The following SGSM1 variants were observed in gnomAD, a reference collection of about 807,000 sequenced individuals.
The protein encoded by SGSM1 is RUN and TBC1 domain containing 2.
SGSM1 carries 73 observed loss-of-function variants against 133.8 expected under a neutral mutation model. The observed-to-expected ratio is 0.55, with a 90% CI of 0.45 to 0.66. The LOEUF is 0.66. Among genes scored for constraint, SGSM1 ranks in the 30% least tolerant of loss-of-function variants. The pLI, the probability that SGSM1 is intolerant of heterozygous loss-of-function variation, is 0.00. For missense variants in SGSM1, 1,213 were observed against 1,448.1 expected (o/e 0.84, Z 2.64); for synonymous variants, 563 against 573.0 (o/e 0.98, Z 0.25).
intron 12 of SGSM1, among the ~76,000 whole-genome samples, chr22:24,873,474 A>G (rs1931867244): frequency 6.6e-6 from 1 of 152,086 alleles, no homozygotes; most frequent in Non-Finnish European, 1.5e-5. Flanking sequence ...AAACATCAAC[A>G]GGATTGCCCT....
intron 21 of SGSM1, among the ~76,000 whole-genome samples, chr22:24,911,790 C>T (rs1208788690): frequency 6.6e-6 from 1 of 152,192 alleles, no homozygotes; most frequent in East Asian, 1.9e-4. Flanking sequence ...CGCGGTGGCT[C>T]ACGCCTTTAA....
chr22:24,868,644 TCCACTGATA>T (rs1931592527), intron 11 of SGSM1, 70 bp from the exon 12 acceptor site: 3 of 1,609,314 alleles, frequency 1.9e-6, no homozygotes, highest in Non-Finnish European at 2.5e-6. Context: ...TCATGCGCTC[TCCACTGATA>T]CCCTCAGACT....
chr22:24,855,445 C>G lies in SGSM1; in HGVS notation c.669+15C>G. Reference sequence around the variant, plus strand: ...CTGCCCTCTGTGTGAGTGGGGTGGACAGTGGGGCAGTGGGAGGGACCTTAC... The same window carrying G: ...CTGCCCTCTGTGTGAGTGGGGTGGAGAGTGGGGCAGTGGGAGGGACCTTAC... On this transcript the variant is annotated intron_variant, in intron 7 of 24. Transcript: ENST00000400358. 4 of 1,613,194 alleles carry G rather than the reference C, an allele frequency of 2.5e-6. No homozygotes were observed. The highest frequency in any genetic ancestry group is 3.4e-6 in the Non-Finnish European group (4 of 1,179,714).
intron 4 of SGSM1, among the ~76,000 whole-genome samples, chr22:24,848,101 T>C (rs1930259610): frequency 6.6e-6 from 1 of 151,992 alleles, no homozygotes; most frequent in Non-Finnish European, 1.5e-5. Context: ...CCCGTTGTTG[T>C]TGGTTGGCCA....
chr22:24,850,298 C>G lies in SGSM1; in HGVS notation c.321C>G (p.Gly107=). The G allele has an allele frequency of 6.2e-7, 1 of 1,603,804 alleles. No homozygotes were observed. The change falls in exon 5 of 25, where the codon GGC becomes GGG. Residue 107 remains glycine, a synonymous_variant. Transcript: ENST00000400358. The part of the protein sequence containing the change: ...LIESARNQIQ[G]LQENVRKLPK... ...CTTGAAGGAGAAACCAGATTCAAGGCCTCCAGGAGAATGTGCGGAAGCTGC... is the reference window on the plus strand; with the variant it reads ...CTTGAAGGAGAAACCAGATTCAAGGGCTCCAGGAGAATGTGCGGAAGCTGC...
chr22:24,843,479 A>G (rs965936418), intron 2 of SGSM1: 1 of 152,314 alleles, frequency 6.6e-6, no homozygotes, highest in African/African-American at 2.4e-5. Context: ...GACAGTGGGA[A>G]ACGCTGTGGG....
At chr22:24,870,981 A>G (rs1931738879) in intron 12 of SGSM1, among the ~76,000 whole-genome samples, 1 of 152,142 alleles carries the variant, frequency 6.6e-6, no homozygotes, top group South Asian at 2.1e-4. Flanking sequence ...TGGAACTTGT[A>G]CTTGGATCCT....
At chr22:24,845,234 G>A (rs546848213) in intron 3 of SGSM1, among the ~76,000 whole-genome samples, 3 of 152,274 alleles carry the variant, frequency 2.0e-5, no homozygotes, top group African/African-American at 7.2e-5. Flanking sequence ...CACCCCAAGT[G>A]ACACACAGTC....
chr22:24,837,653 G>A (rs1929536724), intron 2 of SGSM1, among the ~76,000 whole-genome samples: 1 of 142,454 alleles, frequency 7.0e-6, no homozygotes, highest in South Asian at 2.4e-4. Flanking sequence ...GCTGGACCAC[G>A]ATCCGCCTGG....
At chr22:24,849,811 ACT>A (rs1217951506) in intron 4 of SGSM1, among the ~76,000 whole-genome samples, 1 of 151,982 alleles carries the variant, frequency 6.6e-6, no homozygotes, top group Non-Finnish European at 1.5e-5. Flanking sequence ...TTCAGATGAG[ACT>A]CTGGTGGCCT....
chr22:24,855,504 A>G (rs1460320644), intron 7 of SGSM1, 45 bp from the exon 8 acceptor site: 1 of 1,612,928 alleles, frequency 6.2e-7, no homozygotes, highest in Middle Eastern at 1.6e-4. Context: ...AGCCCTGAAA[A>G]TCACCCCAGG....
intron 2 of SGSM1, among the ~76,000 whole-genome samples, chr22:24,838,113 G>T (rs1929573064): frequency 6.6e-6 from 1 of 152,118 alleles, no homozygotes; most frequent in South Asian, 2.1e-4. Flanking sequence ...TTCTGTATGT[G>T]GTATAAGGTA....
chr22:24,916,142 A>G (rs138209926), intron 22 of SGSM1, among the ~76,000 whole-genome samples: 142 of 152,246 alleles, frequency 9.3e-4, no homozygotes, highest in African/African-American at 3.2e-3. Flanking sequence ...TCACAGAGTT[A>G]TGCAACAACA....
At chr22:24,864,138 A>G (rs1382945206) in intron 9 of SGSM1, among the ~76,000 whole-genome samples, 1 of 152,156 alleles carries the variant, frequency 6.6e-6, no homozygotes, top group African/African-American at 2.4e-5. Flanking sequence ...AAATGTCACG[A>G]AAAAGCTAGA....
chr22:24,880,166 G>A (rs947512184), intron 14 of SGSM1, among the ~76,000 whole-genome samples: 5 of 151,426 alleles, frequency 3.3e-5, no homozygotes, highest in Admixed American at 6.6e-5. Flanking sequence ...ACAGAGTCTC[G>A]CTCTGTCACC....
chr22:24,920,582 G>T (rs370638592), intron 24 of SGSM1, among the ~76,000 whole-genome samples: 4 of 152,168 alleles, frequency 2.6e-5, no homozygotes, highest in Non-Finnish European at 4.4e-5. Flanking sequence ...ATCCCAGCAC[G>T]TGGTACCTGG....
At chr22:24,884,304 G>A (rs1932491023) in intron 15 of SGSM1, 106 bp downstream of exon 15, 1 of 1,419,272 alleles carries the variant, frequency 7.0e-7, no homozygotes. Flanking sequence ...GAGCTGACGT[G>A]CTTGGATTCT....
chr22:24,868,979 A>C, intron 12 of SGSM1, 124 bp downstream of exon 12: 1 of 1,404,632 alleles, frequency 7.1e-7, no homozygotes, highest in Non-Finnish European at 9.5e-7. Context: ...ATCTGGAAAC[A>C]GAAAGTCGGT....
intron 19 of SGSM1, among the ~76,000 whole-genome samples, chr22:24,900,694 G>T (rs113700154): frequency 6.6e-6 from 1 of 152,142 alleles, no homozygotes; most frequent in Non-Finnish European, 1.5e-5. Flanking sequence ...ACGGCGCCCC[G>T]CCTTATTTCT....
Sources: gnomAD v4.1 joint callset for allele counts (sites outside exome capture counted in the v4.1 genomes callset) on GRCh38, gnomAD v4.1.1 for gene constraint, MANE v1.5 for transcripts, NCBI Gene and HGNC (gene_info 2026-07-23, HGNC 2026-07-21) for gene names.